ZBTB7C: variants seen among roughly 807,000 people sequenced by gnomAD.
ZBTB7C encodes the protein zinc finger and BTB domain-containing protein 7C.
A neutral mutation model predicts 25.7 loss-of-function variants in ZBTB7C; 8 were observed. The observed-to-expected ratio is 0.31, with a 90% CI of 0.18 to 0.56. The LOEUF is 0.56. ZBTB7C is among the 20% of genes least tolerant of loss of function. ZBTB7C has a pLI of 0.91. For missense variants in ZBTB7C, 824 were observed against 855.2 expected, an observed-to-expected ratio of 0.96 and a Z score of 0.46; for synonymous variants, 394 against 369.0, an observed-to-expected ratio of 1.07 and a Z score of -0.78.
intron 3 of ZBTB7C, among the ~76,000 whole-genome samples, chr18:48,116,125 C>T (rs770956052): frequency 6.6e-6 from 1 of 152,028 alleles, no homozygotes; most frequent in Admixed American, 6.6e-5. Context: ...TCCTCTACAC[C>T]GTCCCCCACC....
chr18:48,405,449 C>T (rs1399918891), intron 1 of ZBTB7C, among the ~76,000 whole-genome samples: 1 of 152,186 alleles, frequency 6.6e-6, no homozygotes, highest in African/African-American at 2.4e-5. Flanking sequence ...AGCCAACTAC[C>T]CTCACGTTAA....
At chr18:48,059,222 A>G (rs528858661) in intron 3 of ZBTB7C, among the ~76,000 whole-genome samples, 1 of 152,090 alleles carries the variant, frequency 6.6e-6, no homozygotes, top group South Asian at 2.1e-4. Context: ...TGTGTGTGTC[A>G]TCTTGTATCT....
At chr18:48,060,694 C>T (rs1351889968) in intron 3 of ZBTB7C, among the ~76,000 whole-genome samples, 1 of 152,194 alleles carries the variant, frequency 6.6e-6, no homozygotes, top group Non-Finnish European at 1.5e-5. Flanking sequence ...TCCAGGAAAC[C>T]TTCCTGAATT....
At chr18:48,254,713 A>C (rs2043974831) in intron 2 of ZBTB7C, among the ~76,000 whole-genome samples, 1 of 151,924 alleles carries the variant, frequency 6.6e-6, no homozygotes, top group Non-Finnish European at 1.5e-5. Context: ...CAATCTCCAC[A>C]CTTCAGCCCA....
chr18:48,275,873 G>C (rs1482647065), intron 2 of ZBTB7C, among the ~76,000 whole-genome samples: 1 of 152,126 alleles, frequency 6.6e-6, no homozygotes, highest in Non-Finnish European at 1.5e-5. Flanking sequence ...ATTACAGTGA[G>C]GGCATTAAGC....
intron 2 of ZBTB7C, among the ~76,000 whole-genome samples, chr18:48,215,268 C>T (rs1037387018): frequency 2.0e-5 from 3 of 152,106 alleles, no homozygotes; most frequent in African/African-American, 7.2e-5. Flanking sequence ...TAGGCTTACT[C>T]CCAGTGTTGA....
At chr18:48,381,942 G>A (rs1186767935) in intron 1 of ZBTB7C, among the ~76,000 whole-genome samples, 4 of 152,166 alleles carry the variant, frequency 2.6e-5, no homozygotes, top group Admixed American at 2.6e-4. Context: ...GTGATCACAC[G>A]ACCAGGCTCA....
At chr18:48,091,139 T>A (rs1037544385) in intron 3 of ZBTB7C, among the ~76,000 whole-genome samples, 1 of 151,392 alleles carries the variant, frequency 6.6e-6, no homozygotes, top group Non-Finnish European at 1.5e-5. Context: ...AGTGGTGTGA[T>A]CATAGCTCAC....
At chr18:48,298,105 C>T (rs932022115) in intron 2 of ZBTB7C, among the ~76,000 whole-genome samples, 12 of 151,992 alleles carry the variant, frequency 7.9e-5, no homozygotes, top group Admixed American at 3.9e-4. Context: ...ATGGTGAAAC[C>T]CCATCGCTAC....
chr18:48,285,539 A>G (rs1478184922), intron 2 of ZBTB7C, among the ~76,000 whole-genome samples: 1 of 152,068 alleles, frequency 6.6e-6, no homozygotes, highest in Non-Finnish European at 1.5e-5. Context: ...TTTTGTAGAG[A>G]TGAGGTCTCC....
At chr18:48,056,921 C>T (rs557491731) in intron 3 of ZBTB7C, among the ~76,000 whole-genome samples, 9 of 151,338 alleles carry the variant, frequency 5.9e-5, no homozygotes, top group Non-Finnish European at 8.8e-5. Context: ...AATTCCATAA[C>T]AAAATCAAGA....
At chr18:48,140,873 C>T (rs80326626) in intron 3 of ZBTB7C, among the ~76,000 whole-genome samples, 3,115 of 152,244 alleles carry the variant, frequency 0.02, 112 homozygotes, top group African/African-American at 0.072. Context: ...CTTCCTGCCA[C>T]CTCTGCCACT....
At chr18:48,372,751 C>T (rs1350224581) in intron 1 of ZBTB7C, among the ~76,000 whole-genome samples, 1 of 152,152 alleles carries the variant, frequency 6.6e-6, no homozygotes, top group Non-Finnish European at 1.5e-5. Flanking sequence ...TCCTTAAACA[C>T]ACCCTGTCAA....
chr18:48,197,939 T>G (rs528942805), intron 2 of ZBTB7C, among the ~76,000 whole-genome samples: 1 of 152,286 alleles, frequency 6.6e-6, no homozygotes, highest in East Asian at 1.9e-4. Context: ...AGGTTTTATC[T>G]CCCTCTAACC....
At chr18:48,357,868 CA>C (rs2047011734) in intron 1 of ZBTB7C, among the ~76,000 whole-genome samples, 1 of 152,210 alleles carries the variant, frequency 6.6e-6, no homozygotes, top group Admixed American at 6.5e-5. Flanking sequence ...TTTTGTTACA[CA>C]GCGGATAAAG....
intron 3 of ZBTB7C, chr18:48,076,857 C>T: frequency 1.2e-6 from 1 of 848,002 alleles, no homozygotes. Context: ...GTCATTATGC[C>T]CTGCCCAAAG....
intron 3 of ZBTB7C, chr18:48,077,068 A>G: frequency 3.7e-6 from 3 of 818,018 alleles, no homozygotes; most frequent in Non-Finnish European, 4.4e-6. Context: ...TATGCAAAAA[A>G]AAAAAAAAAA....
chr18:48,395,888 A>T (rs1299634111), intron 1 of ZBTB7C, among the ~76,000 whole-genome samples: 2 of 152,178 alleles, frequency 1.3e-5, no homozygotes, highest in Non-Finnish European at 2.9e-5. Flanking sequence ...AATTGTAAGG[A>T]AAGAAAAGAA....
chr18:48,348,104 A>T (rs1334830601), intron 1 of ZBTB7C, among the ~76,000 whole-genome samples: 1 of 152,222 alleles, frequency 6.6e-6, no homozygotes, highest in Non-Finnish European at 1.5e-5. Context: ...AGGCTAACTC[A>T]CTGCAGTCAT....
Sources: gnomAD v4.1 joint callset for allele counts (sites outside exome capture counted in the v4.1 genomes callset) on GRCh38, gnomAD v4.1.1 for gene constraint, MANE v1.5 for transcripts, NCBI Gene and HGNC (gene_info 2026-07-23, HGNC 2026-07-21) for gene names.